The following HPSE2 variants were observed in gnomAD, a reference collection of about 807,000 sequenced individuals.
The protein encoded by HPSE2 is heparanase 2 (inactive).
A neutral mutation model predicts 60.5 loss-of-function variants in HPSE2; 38 were observed. The ratio of observed to expected loss-of-function variants is 0.63; its 90% CI spans 0.48 to 0.82. HPSE2 has a LOEUF of 0.82. Among genes scored for constraint, HPSE2 ranks in the 40% least tolerant of loss-of-function variants. HPSE2 has a pLI of 0.00. For missense variants in HPSE2, 713 were observed against 740.4 expected (o/e 0.96, Z 0.43); for synonymous variants, 295 against 293.2 (o/e 1.01, Z -0.06).
intron 3 of HPSE2, among the ~76,000 whole-genome samples, chr10:98,801,832 G>GA (rs1283726046): frequency 2.0e-5 from 3 of 152,036 alleles, no homozygotes; most frequent in South Asian, 2.1e-4. Context: ...CCTAGAAATA[G>GA]AAAAAACAAT....
At chr10:99,221,302 T>C (rs1475692749) in intron 2 of HPSE2, among the ~76,000 whole-genome samples, 2 of 152,154 alleles carry the variant, frequency 1.3e-5, no homozygotes, top group African/African-American at 4.8e-5. Flanking sequence ...GCATATTAGC[T>C]ACCAAATAAG....
intron 3 of HPSE2, among the ~76,000 whole-genome samples, chr10:98,888,615 C>T (rs145118737): frequency 2.0e-5 from 3 of 152,226 alleles, no homozygotes; most frequent in South Asian, 2.1e-4. Flanking sequence ...AGGTATGTTA[C>T]GCACAAAGCT....
At chr10:99,109,053 C>T (rs1469221215) in intron 3 of HPSE2, among the ~76,000 whole-genome samples, 2 of 152,128 alleles carry the variant, frequency 1.3e-5, no homozygotes. Context: ...CTTATGGCAA[C>T]CATTTTGTGA....
rs561528457 is a variant in HPSE2 at position 98,545,174 on chromosome 10, A to C, written c.1321-54978T>G. ...GTGGCAATAATCAATAGCTTACCAA[A>C]CAAAAAGAGTCCAGGACCAGATGGA... On this transcript the variant is annotated intron_variant, in intron 9 of 11. Coordinates refer to ENST00000370552, the MANE Select transcript of HPSE2 (RefSeq NM_021828.5). 8.4e-3 allele frequency among the ~76,000 whole-genome samples: 1,284 copies of C among 152,092 alleles called. 16 individuals are homozygous for C. Among genetic ancestry groups the C allele is most frequent in the African/African-American group, 0.029 (1,221 of 41,474 alleles).
chr10:98,581,320 G>A lies in HPSE2; in HGVS notation c.1320+33584C>T, dbSNP rs540922698. On this transcript the variant is annotated intron_variant, in intron 9 of 11. Transcript: ENST00000370552. ...GGCTATAAGTAGTTTATAAAAGTTA[G>A]TCTTTTCTTCTTAATGATCAAAACC... is the stretch of plus-strand genomic sequence containing the variant. Among the ~76,000 whole-genome samples the A allele has an allele frequency of 2.0e-4, 31 of 152,116 alleles. No individual in the cohort carries two copies. The South Asian group carries it at 6.4e-3, about 31-fold the overall frequency.
intron 4 of HPSE2, 44 bp downstream of exon 4, chr10:98,743,839 C>T: frequency 1.3e-6 from 2 of 1,551,186 alleles, no homozygotes; most frequent in South Asian, 1.1e-5. Flanking sequence ...ACTTATTTTT[C>T]CCCTTTATTT....
chr10:99,242,798 C>T, the HPSE2 span, among the ~76,000 whole-genome samples: 4 of 152,102 alleles, frequency 2.6e-5, no homozygotes, highest in Non-Finnish European at 2.9e-5. Flanking sequence ...ATCTATAAAA[C>T]AGGCATAAGA....
At chr10:98,579,970 C>G (rs567155104) in intron 9 of HPSE2, among the ~76,000 whole-genome samples, 3 of 152,272 alleles carry the variant, frequency 2.0e-5, no homozygotes, top group East Asian at 3.9e-4. Flanking sequence ...AGTCTGCTAC[C>G]CAGCTGGTGA....
At chr10:98,799,703 T>A (rs1474137697) in intron 3 of HPSE2, among the ~76,000 whole-genome samples, 1 of 151,788 alleles carries the variant, frequency 6.6e-6, no homozygotes, top group East Asian at 1.9e-4. Context: ...CATGAAGGAA[T>A]TAAGAAAATT....
chr10:98,517,472 C>G (rs922321175), intron 9 of HPSE2, among the ~76,000 whole-genome samples: 53 of 152,134 alleles, frequency 3.5e-4, no homozygotes, highest in African/African-American at 1.3e-3. Context: ...CGTAAATACA[C>G]ACGTGGACAC....
chr10:98,638,040 T>C (rs1373801452), intron 7 of HPSE2, among the ~76,000 whole-genome samples: 1 of 144,668 alleles, frequency 6.9e-6, no homozygotes, highest in Non-Finnish European at 1.5e-5. Context: ...CCCGGGAAGC[T>C]GAGGTGGAAG....
rs957031393 is a variant in HPSE2, at chr10:98,763,159, AT to A, written c.611-19104del. On this transcript the variant is annotated intron_variant, in intron 3 of 11. Coordinates refer to ENST00000370552, the MANE Select transcript of HPSE2 (RefSeq NM_021828.5). Reference sequence around the variant, plus strand: ...GGAGAAATATACAATTTAAAGACAGATTTTTTTTTAATGAACATAGTCTCAG... The same window carrying A: ...GGAGAAATATACAATTTAAAGACAGATTTTTTTTAATGAACATAGTCTCAG... 8.6e-5 allele frequency among the ~76,000 whole-genome samples: 13 copies of A among 151,482 alleles called. No homozygotes were observed. In the South Asian group the frequency reaches 2.1e-3, roughly 24 times the overall value.
intron 5 of HPSE2, among the ~76,000 whole-genome samples, chr10:98,699,184 A>T (rs1258952213): frequency 1.3e-5 from 2 of 152,096 alleles, no homozygotes; most frequent in African/African-American, 2.4e-5. Flanking sequence ...CAGAGACACA[A>T]CAAAAAAAGA....
intron 9 of HPSE2, among the ~76,000 whole-genome samples, chr10:98,589,305 G>T (rs944537131): frequency 6.6e-6 from 1 of 152,248 alleles, no homozygotes; most frequent in Non-Finnish European, 1.5e-5. Context: ...AGCACTGACA[G>T]TTGAGTGAGC....
chr10:99,279,171 A>G, the HPSE2 span, among the ~76,000 whole-genome samples: 3,072 of 152,294 alleles, frequency 0.02, 110 homozygotes, highest in East Asian at 0.15. Flanking sequence ...GATAGAAGAC[A>G]GAACCTGTTA....
chr10:98,662,295 C>T (rs1947246285), intron 6 of HPSE2, among the ~76,000 whole-genome samples: 1 of 152,146 alleles, frequency 6.6e-6, no homozygotes, highest in African/African-American at 2.4e-5. Flanking sequence ...TGACAGTACA[C>T]ATTAGACTGA....
intron 2 of HPSE2, among the ~76,000 whole-genome samples, chr10:99,224,846 G>A (rs1316170187): frequency 6.6e-6 from 1 of 152,044 alleles, no homozygotes; most frequent in Admixed American, 6.6e-5. Context: ...AGCATTAAAA[G>A]GTTTATTTAC....
chr10:99,072,847 T>C (rs1842836785), intron 3 of HPSE2, among the ~76,000 whole-genome samples: 1 of 146,348 alleles, frequency 6.8e-6, no homozygotes, highest in Admixed American at 7.0e-5. Flanking sequence ...GAGAATTGCT[T>C]GAACCTGGGA....
chr10:99,004,040 G>C (rs941256461), intron 3 of HPSE2, among the ~76,000 whole-genome samples: 1 of 151,958 alleles, frequency 6.6e-6, no homozygotes, highest in African/African-American at 2.4e-5. Flanking sequence ...TATTTTATTT[G>C]ATATAAGTAT....
Sources: gnomAD v4.1 joint callset for allele counts (sites outside exome capture counted in the v4.1 genomes callset) on GRCh38, gnomAD v4.1.1 for gene constraint, MANE v1.5 for transcripts, NCBI Gene and HGNC (gene_info 2026-07-23, HGNC 2026-07-21) for gene names.